The following ACBD5 variants were observed in gnomAD, a reference collection of about 807,000 sequenced individuals.
ACBD5 encodes acyl-CoA binding domain containing 5, also known as acyl-CoA-binding domain-containing protein 5.
In ACBD5, 40 loss-of-function variants were observed where a neutral mutation model predicts 71.8. The ratio of observed to expected loss-of-function variants is 0.56; its 90% CI spans 0.43 to 0.72. The LOEUF is 0.72. Ranked by LOEUF, ACBD5 falls within the 30% of genes least tolerant of loss-of-function variation. The probability of loss-of-function intolerance (pLI) is 0.00; values close to 1 mark genes in which losing one functional copy is unlikely to be tolerated. For synonymous variants in ACBD5, 229 were observed against 218.6 expected, an observed-to-expected ratio of 1.05 and a Z score of -0.42; for missense variants, 559 against 644.5, an observed-to-expected ratio of 0.87 and a Z score of 1.44.
chr10:27,183,500 G>T (rs2058448818), intron 13 of ACBD5, among the ~76,000 whole-genome samples: 1 of 152,046 alleles, frequency 6.6e-6, no homozygotes, highest in Admixed American at 6.6e-5. Flanking sequence ...GGCCAGGATG[G>T]TCTCGATCTC....
At chr10:27,190,230 A>G (rs1198739712), downstream of ACBD5, among the ~76,000 whole-genome samples, 2 of 152,184 alleles carry the variant, frequency 1.3e-5, no homozygotes, top group Non-Finnish European at 2.9e-5. Context: ...GGTTACAGTG[A>G]GCCAAAATGG....
downstream of ACBD5, among the ~76,000 whole-genome samples, chr10:27,190,811 T>C (rs1468241358): frequency 6.6e-6 from 1 of 152,150 alleles, no homozygotes; most frequent in Non-Finnish European, 1.5e-5. Flanking sequence ...AGACATATTT[T>C]AGAGGTAGGA....
chr10:27,235,041 A>T, intron 3 of ACBD5, 51 bp downstream of exon 3: 1 of 1,562,190 alleles, frequency 6.4e-7, no homozygotes. Context: ...GCCATATGAT[A>T]ATTATGTCAT....
At chr10:27,233,547 G>A (rs866766645) in intron 3 of ACBD5, among the ~76,000 whole-genome samples, 19 of 151,796 alleles carry the variant, frequency 1.3e-4, no homozygotes, top group South Asian at 4.2e-4. Context: ...TGCAAACCCC[G>A]TCTAGGAAAA....
At chr10:27,187,446 G>C (rs924601049) in intron 13 of ACBD5, among the ~76,000 whole-genome samples, 1 of 152,190 alleles carries the variant, frequency 6.6e-6, no homozygotes, top group Non-Finnish European at 1.5e-5. Flanking sequence ...TCCACAATAT[G>C]TATTTGTTTA....
chr10:27,190,246 T>C (rs537927956), downstream of ACBD5, among the ~76,000 whole-genome samples: 2 of 152,160 alleles, frequency 1.3e-5, no homozygotes, highest in East Asian at 1.9e-4. Context: ...AATGGCGCCA[T>C]TGCACTCCAG....
chr10:27,233,440 A>C (rs908097289), intron 3 of ACBD5, among the ~76,000 whole-genome samples: 4 of 151,766 alleles, frequency 2.6e-5, no homozygotes, highest in Non-Finnish European at 5.9e-5. Context: ...AAAAAAAAAA[A>C]AAAAACTGGT....
chr10:27,201,311 T>C (rs1390208439), intron 12 of ACBD5, among the ~76,000 whole-genome samples: 1 of 152,336 alleles, frequency 6.6e-6, no homozygotes, highest in East Asian at 1.9e-4. Context: ...CAGGAGACTG[T>C]TCAGGGCCTA....
rs1230765607 is a variant in ACBD5 at position 27,196,980 on chromosome 10, T to A, written c.*450A>T. 2.2e-6 allele frequency: 1 copy of A among 454,056 alleles called. No individual in the cohort carries two copies. Among genetic ancestry groups the A allele is most frequent in the Non-Finnish European group, 4.4e-6 (1 of 226,662 alleles). The allele number at this position is 454,056 out of a possible 1,614,324, so 28.1% of individuals were successfully genotyped here. ...TGACTAAGATATAAAGTCGATTACATCTCATTTGAAATTCACTCCTGGTTT... is the reference window on the plus strand; with the variant it reads ...TGACTAAGATATAAAGTCGATTACAACTCATTTGAAATTCACTCCTGGTTT... On this transcript the variant is annotated 3_prime_UTR_variant, in exon 13 of 13. Transcript: ENST00000396271.
chr10:27,188,618 G>C (rs115641078), intron 13 of ACBD5, among the ~76,000 whole-genome samples: 54 of 152,328 alleles, frequency 3.5e-4, no homozygotes, highest in African/African-American at 1.2e-3. Flanking sequence ...CAATGGCCTT[G>C]AGTGGAAAGT....
chr10:27,192,305 GA>G (rs1428534256), downstream of ACBD5, among the ~76,000 whole-genome samples: 14 of 150,224 alleles, frequency 9.3e-5, no homozygotes, highest in East Asian at 2.0e-4. Flanking sequence ...TTATAATAAT[GA>G]AAAAAAAAGT....
chr10:27,212,861 T>A (rs1396964806), intron 8 of ACBD5, among the ~76,000 whole-genome samples: 1 of 152,206 alleles, frequency 6.6e-6, no homozygotes, highest in Non-Finnish European at 1.5e-5. Flanking sequence ...CGCCACTCCA[T>A]TTGTGTTTGA....
At position 27,211,179 on chromosome 10, in the gene ACBD5, G is replaced by A. The variant is rs1411736115; in HGVS notation, c.937-98C>T. The A allele has an allele frequency of 7.5e-6, 9 of 1,203,112 alleles. No homozygotes were observed. The Admixed American group carries it at 1.2e-4, about 16-fold the overall frequency. The allele number at this position is 1,203,112 out of a possible 1,614,324, so 74.5% of individuals were successfully genotyped here. ...AGGAGAAATACTGTTTTCCTAAAATGTTCTTTCATGTTATTATTGGAAATA... is the reference window on the plus strand; with the variant it reads ...AGGAGAAATACTGTTTTCCTAAAATATTCTTTCATGTTATTATTGGAAATA... On this transcript the variant is annotated intron_variant, in intron 8 of 12. Transcript: ENST00000396271.
chr10:27,238,181 G>A (rs565143737), intron 2 of ACBD5, among the ~76,000 whole-genome samples: 1 of 151,696 alleles, frequency 6.6e-6, no homozygotes, highest in Non-Finnish European at 1.5e-5. Flanking sequence ...TCCTGACCTT[G>A]TGATCCGCCA....
intron 12 of ACBD5, among the ~76,000 whole-genome samples, chr10:27,200,479 G>A (rs1340246645): frequency 6.6e-6 from 1 of 150,752 alleles, no homozygotes; most frequent in Non-Finnish European, 1.5e-5. Flanking sequence ...GAGTCTCACT[G>A]TGTCACCCAG....
At chr10:27,215,699 T>G in intron 7 of ACBD5, 58 bp from the exon 8 acceptor site, 1 of 1,262,906 alleles carries the variant, frequency 7.9e-7, no homozygotes, top group Non-Finnish European at 1.1e-6. Context: ...GAAAAACAAA[T>G]TTATTCCTTT....
chr10:27,231,941 A>G, intron 3 of ACBD5, 121 bp from the exon 4 acceptor site: 1 of 936,280 alleles, frequency 1.1e-6, no homozygotes. Flanking sequence ...AAGCCATAAC[A>G]GGATTGTCTT....
At chr10:27,188,091 G>C (rs187861332) in intron 13 of ACBD5, among the ~76,000 whole-genome samples, 98 of 152,240 alleles carry the variant, frequency 6.4e-4, no homozygotes, top group African/African-American at 2.2e-3. Flanking sequence ...TTGCAATGTA[G>C]TTGACAAAAT....
chr10:27,224,041 T>G (rs2062697461), intron 4 of ACBD5, among the ~76,000 whole-genome samples: 1 of 152,142 alleles, frequency 6.6e-6, no homozygotes, highest in Admixed American at 6.6e-5. Context: ...TCATGTAAAA[T>G]TTTATACAAT....
Sources: allele counts gnomAD v4.1 joint callset (sites outside exome capture counted in the v4.1 genomes callset), GRCh38; gene constraint gnomAD v4.1.1; transcripts MANE v1.5; gene names NCBI Gene and HGNC (gene_info 2026-07-23, HGNC 2026-07-21).